RNFT2: variants seen among roughly 807,000 people sequenced by gnomAD.
The protein encoded by RNFT2 is ring finger protein, transmembrane 2, also known as E3 ubiquitin-protein ligase RNFT2.
Under a neutral mutation model 53.0 loss-of-function variants are expected in RNFT2, and 36 were observed. That is an observed-to-expected ratio of 0.68 (90% CI 0.52 to 0.90). The LOEUF (loss-of-function observed/expected upper bound fraction) is 0.90, where lower values mean the gene tolerates loss of function less well. RNFT2 is among the 40% of genes least tolerant of loss of function. RNFT2 has a pLI of 0.00. For synonymous variants in RNFT2, 260 were observed against 253.2 expected, an observed-to-expected ratio of 1.03 and a Z score of -0.26; for missense variants, 514 against 585.6, an observed-to-expected ratio of 0.88 and a Z score of 1.26.
At chr12:116,790,946 G>A (rs754542093) in intron 7 of RNFT2, among the ~76,000 whole-genome samples, 1 of 152,172 alleles carries the variant, frequency 6.6e-6, no homozygotes, top group Non-Finnish European at 1.5e-5. Flanking sequence ...AGGCAACAGA[G>A]GGAGACCCTG....
In RNFT2 at chr12:116,740,493, A is replaced by G; in HGVS notation, c.-5A>G. ...CAGTGTCGTCAACATGGAGTTCTGA[A>G]GTCCATGTGGCTCTTCACAGTGAAT... On this transcript the variant is annotated 5_prime_UTR_variant, in exon 2 of 11. Transcript: ENST00000257575. The G allele has an allele frequency of 6.4e-7, 1 of 1,573,260 alleles. No individual in the cohort carries two copies. Among genetic ancestry groups the G allele is most frequent in the Non-Finnish European group, 8.6e-7 (1 of 1,158,052 alleles).
chr12:116,853,182 A>G lies in RNFT2; in HGVS notation c.*3734A>G. On this transcript the variant is annotated 3_prime_UTR_variant, in exon 11 of 11. Transcript: ENST00000257575. ...AATTCCCCTATACCAGTGCGAAAGC[A>G]GCCAGGAGTCCCCGTTGGAAAAGAA... The G allele has an allele frequency of 2.5e-6, 1 of 399,480 alleles. No individual in the cohort carries two copies. The allele number at this position is 399,480 out of a possible 1,614,324, so 24.7% of individuals were successfully genotyped here. A position where few individuals can be genotyped will look rare whatever the true frequency, so the allele number is the denominator to read the frequency against.
chr12:116,830,090 TAAAG>T (rs1473381492), intron 7 of RNFT2, among the ~76,000 whole-genome samples: 1 of 152,168 alleles, frequency 6.6e-6, no homozygotes, highest in African/African-American at 2.4e-5. Flanking sequence ...ATTTTAGACT[TAAAG>T]AAAAGTTGCA....
At chr12:116,811,895 T>C (rs749987672) in intron 7 of RNFT2, among the ~76,000 whole-genome samples, 2 of 152,150 alleles carry the variant, frequency 1.3e-5, no homozygotes, top group Non-Finnish European at 2.9e-5. Context: ...TAGTTACCAA[T>C]AGGCACCAGC....
chr12:116,828,055 T>C (rs1876436312), intron 7 of RNFT2, among the ~76,000 whole-genome samples: 1 of 152,148 alleles, frequency 6.6e-6, no homozygotes, highest in African/African-American at 2.4e-5. Context: ...GGACGTTTCA[T>C]GGGGTAGCCG....
At chr12:116,825,925 T>C (rs1876304987) in intron 7 of RNFT2, among the ~76,000 whole-genome samples, 1 of 152,100 alleles carries the variant, frequency 6.6e-6, no homozygotes, top group East Asian at 1.9e-4. Context: ...TGAAAAAATG[T>C]GTATAAAAGA....
At chr12:116,821,359 C>T (rs1176875258) in intron 7 of RNFT2, among the ~76,000 whole-genome samples, 3 of 152,356 alleles carry the variant, frequency 2.0e-5, no homozygotes, top group South Asian at 4.1e-4. Context: ...ATCCCACCCC[C>T]AGCACTGGAG....
chr12:116,827,875 C>T (rs1001160205), intron 7 of RNFT2, among the ~76,000 whole-genome samples: 2 of 152,340 alleles, frequency 1.3e-5, no homozygotes, highest in East Asian at 1.9e-4. Flanking sequence ...AAAACTAAAC[C>T]TAAGGTGGCA....
At chr12:116,780,539 G>A (rs1324484020) in intron 7 of RNFT2, among the ~76,000 whole-genome samples, 1 of 152,020 alleles carries the variant, frequency 6.6e-6, no homozygotes, top group Non-Finnish European at 1.5e-5. Flanking sequence ...CCACAGTCTA[G>A]TACCAGTCTT....
At chr12:116,842,909 G>C (rs2137219807) in intron 10 of RNFT2, among the ~76,000 whole-genome samples, 1 of 152,230 alleles carries the variant, frequency 6.6e-6, no homozygotes, top group Middle Eastern at 3.4e-3. Context: ...GCTCATAACT[G>C]CCTGTTCTCC....
chr12:116,852,992 G>T lies in RNFT2; in HGVS notation c.*3544G>T. The T allele has an allele frequency of 2.0e-6, 1 of 508,430 alleles. No homozygotes were observed. Among genetic ancestry groups the T allele is most frequent in the Non-Finnish European group, 3.4e-6 (1 of 291,366 alleles). 31.5% of individuals were successfully genotyped at this position (508,430 alleles called of 1,614,324 possible). A position where few individuals can be genotyped will look rare whatever the true frequency, so the allele number is the denominator to read the frequency against. ...ACTGTAAAGAATGTAACATGTGGGG[G>T]ACACACAGGGGCAGATGGGATGGTT... On this transcript the variant is annotated 3_prime_UTR_variant, in exon 11 of 11. Coordinates refer to ENST00000257575, the MANE Select transcript of RNFT2 (RefSeq NM_001382266.1).
At chr12:116,824,713 A>C (rs1035375657) in intron 7 of RNFT2, among the ~76,000 whole-genome samples, 1 of 152,150 alleles carries the variant, frequency 6.6e-6, no homozygotes, top group Non-Finnish European at 1.5e-5. Context: ...TTGTCTTCTC[A>C]CTGTGTCCTC....
intron 4 of RNFT2, among the ~76,000 whole-genome samples, chr12:116,750,799 A>G (rs1247128698): frequency 1.1e-4 from 7 of 63,236 alleles, no homozygotes; most frequent in South Asian, 5.5e-4. Context: ...GTGTGTGTGT[A>G]TATATATATA....
At chr12:116,774,970 A>G (rs1240959739) in intron 6 of RNFT2, among the ~76,000 whole-genome samples, 1 of 151,772 alleles carries the variant, frequency 6.6e-6, no homozygotes, top group East Asian at 1.9e-4. Context: ...AGCTTAAGAG[A>G]GGAGCAACAG....
At chr12:116,840,318 T>C (rs142124579) in intron 10 of RNFT2, among the ~76,000 whole-genome samples, 1 of 152,276 alleles carries the variant, frequency 6.6e-6, no homozygotes, top group Non-Finnish European at 1.5e-5. Flanking sequence ...AGACAAAGAA[T>C]CAGGCTCAGA....
At chr12:116,798,057 G>A (rs563783383) in intron 7 of RNFT2, among the ~76,000 whole-genome samples, 54 of 152,176 alleles carry the variant, frequency 3.5e-4, no homozygotes, top group African/African-American at 8.9e-4. Flanking sequence ...GTCAAGTCCC[G>A]CCTGCTACCT....
At chr12:116,812,638 G>A (rs560271760) in intron 7 of RNFT2, among the ~76,000 whole-genome samples, 17 of 151,254 alleles carry the variant, frequency 1.1e-4, no homozygotes, top group South Asian at 4.2e-4. Context: ...GGGTTTAAAC[G>A]GTTCTCCTGC....
At chr12:116,744,197 G>T (rs1871782429) in intron 3 of RNFT2, among the ~76,000 whole-genome samples, 1 of 141,346 alleles carries the variant, frequency 7.1e-6, no homozygotes, top group Non-Finnish European at 1.5e-5. Flanking sequence ...CTGCACTCTA[G>T]CCTGGGTGAC....
Position 116,852,571 on chromosome 12 carries a change from C to T in RNFT2, c.*3123C>T. Reference sequence around the variant, plus strand: ...TGTGAATGCAGCTGCTCTGTTCTCCCTACCCTGAGGAAAAACCAAAGGGAA... The same window carrying T: ...TGTGAATGCAGCTGCTCTGTTCTCCTTACCCTGAGGAAAAACCAAAGGGAA... On this transcript the variant is annotated 3_prime_UTR_variant, in exon 11 of 11. Coordinates refer to ENST00000257575, the MANE Select transcript of RNFT2 (RefSeq NM_001382266.1). 6.2e-7 allele frequency: 1 copy of T among 1,611,486 alleles called. No homozygotes were observed. The highest frequency in any genetic ancestry group is 8.5e-7 in the Non-Finnish European group (1 of 1,178,498).
Sources: gnomAD v4.1 joint callset for allele counts (sites outside exome capture counted in the v4.1 genomes callset) on GRCh38, gnomAD v4.1.1 for gene constraint, MANE v1.5 for transcripts, NCBI Gene and HGNC (gene_info 2026-07-23, HGNC 2026-07-21) for gene names.